The following ALYREF variants were observed in gnomAD, a reference collection of about 807,000 sequenced individuals.
The protein encoded by ALYREF is Aly/REF export factor.
Under a neutral mutation model 25.2 loss-of-function variants are expected in ALYREF, and 1 was observed. The observed-to-expected ratio is 0.04, with a 90% CI of 0.01 to 0.19. The LOEUF is 0.19. ALYREF is among the 10% of genes least tolerant of loss of function. The probability of loss-of-function intolerance (pLI) is 1.00; values close to 1 mark genes in which losing one functional copy is unlikely to be tolerated. For synonymous variants in ALYREF, 193 were observed against 153.5 expected (o/e 1.26, Z -1.90); for missense variants, 328 against 375.6 (o/e 0.87, Z 1.05).
chr17:81,891,386 C>A lies in ALYREF; in HGVS notation c.195G>T (p.Arg65=). The A allele has an allele frequency of 8.9e-7, 1 of 1,122,762 alleles. No homozygotes were observed. Among genetic ancestry groups the A allele is most frequent in the Non-Finnish European group, 1.1e-6 (1 of 917,796 alleles). The allele number at this position is 1,122,762 out of a possible 1,614,324, so 69.5% of individuals were successfully genotyped here. The change falls in exon 1 of 6, where the codon CGG becomes CGT. Residue 65 remains arginine, a synonymous_variant. Transcript: ENST00000505490. ...VNRGGGPIRN[R]PAIARGAAGG... is the part of the protein sequence containing the mutation. ...CGGCCGCGCCGCGGGCGATGGCCGG[C>A]CGGTTCCGGATGGGCCCGCCGCCTC...
Position 81,891,001 on chromosome 17 carries a change from G to A in ALYREF, c.259-181C>T, listed in dbSNP as rs548786209. Reference sequence around the variant, plus strand: ...CCCGAGGCCGCACGGTCCCACCGCGGCCGCACAACTTCAGTTCCCTTAGAC... The same window carrying A: ...CCCGAGGCCGCACGGTCCCACCGCGACCGCACAACTTCAGTTCCCTTAGAC... On this transcript the variant is annotated intron_variant, in intron 1 of 5. Coordinates refer to ENST00000505490, the MANE Select transcript of ALYREF (RefSeq NM_005782.4). 4 of 920,342 alleles carry A rather than the reference G, an allele frequency of 4.3e-6. No individual in the cohort carries two copies. The South Asian group carries it at 5.1e-5, about 12-fold the overall frequency. 57.0% of individuals were successfully genotyped at this position (920,342 alleles called of 1,614,324 possible).
At position 81,888,645 on chromosome 17, in the gene ALYREF, C is replaced by G; in HGVS notation, c.539-62G>C. 6.5e-7 allele frequency: 1 copy of G among 1,548,756 alleles called. No individual in the cohort carries two copies. The highest frequency in any genetic ancestry group is 8.7e-7 in the Non-Finnish European group (1 of 1,143,482). ...GAGGCTCTGAAACCCACCCAGCTGG[C>G]GCCACACCCTGGTCTCCATGCAAAC... is the stretch of plus-strand genomic sequence containing the variant. On this transcript the variant is annotated intron_variant, in intron 3 of 5. Transcript: ENST00000505490. The surrounding 1 kb of genome is among the most constrained non-coding windows in gnomAD (Gnocchi z 5.8).
rs1482565640 is a variant in ALYREF, at chr17:81,888,837, TGGAGA to T, written c.539-259_539-255del. The T allele has an allele frequency of 2.1e-6, 3 of 1,416,112 alleles. No individual in the cohort carries two copies. Among genetic ancestry groups the T allele is most frequent in the Non-Finnish European group, 1.8e-6 (2 of 1,087,720 alleles). 87.7% of individuals were successfully genotyped at this position (1,416,112 alleles called of 1,614,324 possible). A position where few individuals can be genotyped will look rare whatever the true frequency, so the allele number is the denominator to read the frequency against. On this transcript the variant is annotated intron_variant, in intron 3 of 5. Coordinates refer to ENST00000505490, the MANE Select transcript of ALYREF (RefSeq NM_005782.4). This position sits in a 1 kb window ranked among gnomAD's most constrained non-coding sequence, Gnocchi z 5.8. ...GCTGAGGTATCGGGGTGCTCGTGGG[TGGAGA>T]GGTGTGGGTGACCTGACGAAGAAGA... is the stretch of plus-strand genomic sequence containing the variant.
At chr17:81,891,255 G>T in intron 1 of ALYREF, 68 bp downstream of exon 1, 1 of 1,053,930 alleles carries the variant, frequency 9.5e-7, no homozygotes, top group Non-Finnish European at 1.1e-6. Context: ...TCTCCGCCGC[G>T]AGCGGCCCCG....
chr17:81,891,019 C>T (rs1041536391), intron 1 of ALYREF, 199 bp from the exon 2 acceptor site: 5 of 812,692 alleles, frequency 6.2e-6, no homozygotes, highest in South Asian at 1.8e-5. Flanking sequence ...ACTTCAGTTC[C>T]CTTAGACTAA....
intron 1 of ALYREF, 193 bp downstream of exon 1, chr17:81,891,130 G>A (rs1212830199): frequency 1.6e-6 from 1 of 609,800 alleles, no homozygotes; most frequent in Non-Finnish European, 2.5e-6. Flanking sequence ...CAGCCTCCGG[G>A]ACCGGACCCC....
chr17:81,889,046 C>A (rs757034288), intron 3 of ALYREF, 136 bp downstream of exon 3: 65 of 1,464,476 alleles, frequency 4.4e-5, no homozygotes, highest in Non-Finnish European at 5.6e-5. Flanking sequence ...TGAGAGGTGG[C>A]AGATGGAAGA....
Position 81,891,381 on chromosome 17 carries a change from GC to G in ALYREF, c.199del (p.Ala67ProfsTer73). 1.8e-6 allele frequency: 2 copies of G among 1,131,820 alleles called. No individual in the cohort carries two copies. Among genetic ancestry groups the G allele is most frequent in the Non-Finnish European group, 2.2e-6 (2 of 923,136 alleles). The allele number at this position is 1,131,820 out of a possible 1,614,324, so 70.1% of individuals were successfully genotyped here. ...RGGGPIRNRP[A>X]IARGAAGGGG... ...TCCGCCGGCCGCGCCGCGGGCGATG[GC>G]CGGCCGGTTCCGGATGGGCCCGCCG... is the stretch of plus-strand genomic sequence containing the variant. On this transcript the variant is annotated frameshift_variant, in exon 1 of 6. Coordinates refer to ENST00000505490, the MANE Select transcript of ALYREF (RefSeq NM_005782.4). LOFTEE classifies it high-confidence loss of function.
Position 81,891,375 on chromosome 17 carries a change from G to A in ALYREF, c.206C>T (p.Ala69Val). The change falls in exon 1 of 6, where the codon GCC becomes GTC. Residue 69 changes from alanine (A) to valine (V), a missense_variant. Ala to Val is a moderately conservative substitution (Grantham distance 64, BLOSUM62 0). Transcript: ENST00000505490. ...GGPIRNRPAI[A>V]RGAAGGGGRN... ...GCCGCCTCCGCCGGCCGCGCCGCGG[G>A]CGATGGCCGGCCGGTTCCGGATGGG... is the stretch of plus-strand genomic sequence containing the variant. The A allele has an allele frequency of 1.8e-6, 2 of 1,141,172 alleles. No individual in the cohort carries two copies. Among genetic ancestry groups the A allele is most frequent in the Non-Finnish European group, 2.2e-6 (2 of 928,714 alleles). The allele number at this position is 1,141,172 out of a possible 1,614,324, so 70.7% of individuals were successfully genotyped here. A position where few individuals can be genotyped will look rare whatever the true frequency, so the allele number is the denominator to read the frequency against.
intron 1 of ALYREF, chr17:81,891,092 G>A (rs1598292740): frequency 3.0e-6 from 2 of 674,288 alleles, no homozygotes; most frequent in East Asian, 3.1e-5. Flanking sequence ...CCCAACGTCC[G>A]GAACAAACAA....
At chr17:81,889,556 G>A (rs1041452574) in intron 2 of ALYREF, among the ~76,000 whole-genome samples, 1 of 152,194 alleles carries the variant, frequency 6.6e-6, no homozygotes, top group Non-Finnish European at 1.5e-5. Context: ...CGTGTACCAC[G>A]ATGCAGGTAG....
chr17:81,888,776 C>A lies in ALYREF; in HGVS notation c.539-193G>T. On this transcript the variant is annotated intron_variant, in intron 3 of 5. Coordinates refer to ENST00000505490, the MANE Select transcript of ALYREF (RefSeq NM_005782.4). This position sits in a 1 kb window ranked among gnomAD's most constrained non-coding sequence, Gnocchi z 5.8. ...AAGGAAGCAACCCCACCAACACCTC[C>A]TCACTCCTTCTCAGTCCAGACTAGG... 6.9e-7 allele frequency: 1 copy of A among 1,444,904 alleles called. No homozygotes were observed. The highest frequency in any genetic ancestry group is 9.1e-7 in the Non-Finnish European group (1 of 1,099,846). The allele number at this position is 1,444,904 out of a possible 1,614,324, so 89.5% of individuals were successfully genotyped here.
chr17:81,890,361 TA>T (rs2039496184), intron 2 of ALYREF, among the ~76,000 whole-genome samples: 1 of 152,082 alleles, frequency 6.6e-6, no homozygotes, highest in South Asian at 2.1e-4. Flanking sequence ...GCACAAAATT[TA>T]AAAAGCAACT....
In ALYREF at chr17:81,888,218, C is replaced by T. The variant is rs1278538136; in HGVS notation, c.780+23G>A. The T allele has an allele frequency of 9.3e-6, 15 of 1,613,908 alleles. No individual in the cohort carries two copies. Among genetic ancestry groups the T allele is most frequent in the Middle Eastern group, 1.6e-4 (1 of 6,062 alleles). On this transcript the variant is annotated intron_variant, in intron 5 of 5. Coordinates refer to ENST00000505490, the MANE Select transcript of ALYREF (RefSeq NM_005782.4). The surrounding 1 kb of genome is among the most constrained non-coding windows in gnomAD (Gnocchi z 5.8). ...CCCACTGCGGCTTTGACCAGGCCCC[C>T]AGCTGGCTCCCCCGGGACTCACTCT... is the stretch of plus-strand genomic sequence containing the variant.
Position 81,888,049 on chromosome 17 carries a change from C to A in ALYREF, c.*82G>T. On this transcript the variant is annotated 3_prime_UTR_variant, in exon 6 of 6. Transcript: ENST00000505490. This position sits in a 1 kb window ranked among gnomAD's most constrained non-coding sequence, Gnocchi z 5.8. ...AAAGAAACAAATCCATCATTGGCCG[C>A]ACAGCCCCAGCCACCGCCCCCCAAC... 1 of 1,557,722 alleles carries A rather than the reference C, an allele frequency of 6.4e-7. No homozygotes were observed. The highest frequency in any genetic ancestry group is 1.4e-5 in the African/African-American group (1 of 73,194).
intron 1 of ALYREF, 137 bp downstream of exon 1, chr17:81,891,186 C>T: frequency 1.8e-6 from 1 of 565,740 alleles, no homozygotes; most frequent in Non-Finnish European, 2.5e-6. Context: ...CGCGCCCACA[C>T]GCACCCTCCG....
rs1208165076 is a variant in ALYREF, at chr17:81,890,745, C to T, written c.334G>A (p.Gly112Ser). 2 of 1,614,080 alleles carry T rather than the reference C, an allele frequency of 1.2e-6. No individual in the cohort carries two copies. Among genetic ancestry groups the T allele is most frequent in the Non-Finnish European group, 8.5e-7 (1 of 1,180,016 alleles). The change falls in exon 2 of 6, where the codon GGT (glycine) becomes AGT (serine). Residue 112 changes from glycine to serine, a missense_variant. Around this residue, in one of 3 missense-constraint regions of ALYREF, gnomAD observed 70 missense variants for 129.9 expected, o/e 0.54. Transcript: ENST00000505490. ...AGATTGGACACCAGCAGTTTCCCAC[C>T]TGTCTCCACGCCGGCACCACCGCCG... ...GFGGGAGVET[G>S]GKLLVSNLDF...
Position 81,889,343 on chromosome 17 carries a change from A to T in ALYREF, c.391-14T>A. 6.2e-7 allele frequency: 1 copy of T among 1,610,540 alleles called. No homozygotes were observed. Among genetic ancestry groups the T allele is most frequent in the Non-Finnish European group, 8.5e-7 (1 of 1,176,836 alleles). On this transcript the variant is annotated splice_polypyrimidine_tract_variant and intron_variant, in intron 2 of 5. Transcript: ENST00000505490. ...AGCAAAGAGTTCCTGGGAGTTGCAG[A>T]GAGCAGTTGTCAGAAAAGCAACAAA...
Position 81,888,316 on chromosome 17 carries a change from T to G in ALYREF, c.705A>C (p.Arg235Ser), listed in dbSNP as rs752297096. 1 of 1,607,308 alleles carries G rather than the reference T, an allele frequency of 6.2e-7. No homozygotes were observed. The change falls in exon 5 of 6, where the codon AGA becomes AGC. Residue 235 changes from arginine (R) to serine (S), a missense_variant. By Grantham distance (110) the Arg-to-Ser change is moderately radical. This residue lies in a region of ALYREF where 108 missense variants were observed against 110.5 expected (regional missense o/e 0.98). Transcript: ENST00000505490. This position sits in a 1 kb window ranked among gnomAD's most constrained non-coding sequence, Gnocchi z 5.8. ...GTRGGARGRG[R>S]GAGRNSKQQL... Reference sequence around the variant, plus strand: ...GCTGCTTTGAATTCCTGCCGGCACCTCTGCCTCTTCCACGGGCGCCTCCGC... The same window carrying G: ...GCTGCTTTGAATTCCTGCCGGCACCGCTGCCTCTTCCACGGGCGCCTCCGC...
Sources: allele counts gnomAD v4.1 joint callset (sites outside exome capture counted in the v4.1 genomes callset), GRCh38; gene constraint gnomAD v4.1.1; regional missense constraint gnomAD v4.1.1; non-coding constraint Gnocchi (gnomAD v3.1); transcripts MANE v1.5; gene names NCBI Gene and HGNC (gene_info 2026-07-23, HGNC 2026-07-21).